The following SUMF1 variants were observed in gnomAD, a reference collection of about 807,000 sequenced individuals.
SUMF1 encodes the protein formylglycine-generating enzyme.
Under a neutral mutation model 47.6 loss-of-function variants are expected in SUMF1, and 48 were observed. The ratio of observed to expected loss-of-function variants is 1.01; its 90% CI spans 0.80 to 1.28. SUMF1 has a LOEUF of 1.28. Among genes scored for constraint, SUMF1 ranks in the 50% most tolerant of loss-of-function variants. SUMF1 has a pLI of 0.00. For synonymous variants in SUMF1, 230 were observed against 192.1 expected, an observed-to-expected ratio of 1.20 and a Z score of -1.63; for missense variants, 571 against 485.4, an observed-to-expected ratio of 1.18 and a Z score of -1.66.
chr3:4,114,584 A>T (rs17039937), intron 8 of SUMF1, among the ~76,000 whole-genome samples: 4,686 of 151,452 alleles, frequency 0.031, 271 homozygotes, highest in African/African-American at 0.11. Flanking sequence ...AGTGGCCAAC[A>T]TAAAAATTAA....
chr3:4,169,237 A>G (rs1318693433), intron 8 of SUMF1, among the ~76,000 whole-genome samples: 1 of 152,068 alleles, frequency 6.6e-6, no homozygotes, highest in Non-Finnish European at 1.5e-5. Flanking sequence ...TATAGGTTGA[A>G]TTGTGTTCCT....
intron 8 of SUMF1, chr3:4,313,852 A>T: frequency 1.3e-6 from 2 of 1,571,498 alleles, no homozygotes; most frequent in African/African-American, 2.7e-5. Flanking sequence ...ACATAAGTTT[A>T]ACTCAGGAAT....
At chr3:4,242,810 C>A (rs1394105570) in intron 8 of SUMF1, among the ~76,000 whole-genome samples, 1 of 152,140 alleles carries the variant, frequency 6.6e-6, no homozygotes, top group African/African-American at 2.4e-5. Context: ...GGAGGATTCC[C>A]TCCTTTTCTA....
At chr3:4,252,511 C>A (rs1184547443) in intron 8 of SUMF1, among the ~76,000 whole-genome samples, 3 of 151,992 alleles carry the variant, frequency 2.0e-5, no homozygotes, top group African/African-American at 7.3e-5. Context: ...AAAATCAAAC[C>A]CTGAGTGGCA....
At chr3:4,066,820 C>G (rs1313762264) in intron 9 of SUMF1, among the ~76,000 whole-genome samples, 2 of 152,194 alleles carry the variant, frequency 1.3e-5, no homozygotes, top group African/African-American at 4.8e-5. Context: ...GACCGAACAC[C>G]TGGCATTTCC....
intron 8 of SUMF1, among the ~76,000 whole-genome samples, chr3:4,332,098 C>T (rs1699063251): frequency 6.6e-6 from 1 of 150,986 alleles, no homozygotes; most frequent in Non-Finnish European, 1.5e-5. Context: ...TGTGATAACA[C>T]ATTTGATTTA....
chr3:4,263,490 C>A (rs1697126956), intron 8 of SUMF1, among the ~76,000 whole-genome samples: 1 of 152,132 alleles, frequency 6.6e-6, no homozygotes, highest in Non-Finnish European at 1.5e-5. Flanking sequence ...CTTGATCCAG[C>A]CCCAATCTGT....
At chr3:4,307,933 CACCTACTTGGG>C (rs1698254668) in intron 8 of SUMF1, among the ~76,000 whole-genome samples, 1 of 152,014 alleles carries the variant, frequency 6.6e-6, no homozygotes, top group Non-Finnish European at 1.5e-5. Context: ...CCTGTAGTCC[CACCTACTTGGG>C]AGGCTGACCT....
downstream of SUMF1, among the ~76,000 whole-genome samples, chr3:4,359,488 GC>G (rs1306013298): frequency 6.6e-6 from 1 of 152,114 alleles, no homozygotes; most frequent in African/African-American, 2.4e-5. Flanking sequence ...TCGCTTTGTT[GC>G]TGTTATAACT....
intron 8 of SUMF1, among the ~76,000 whole-genome samples, chr3:4,147,750 C>G (rs1365674875): frequency 6.6e-6 from 1 of 152,108 alleles, no homozygotes; most frequent in Non-Finnish European, 1.5e-5. Context: ...AAAGAACTAC[C>G]TACCACCACC....
At chr3:4,167,145 C>T (rs1456960576) in intron 8 of SUMF1, among the ~76,000 whole-genome samples, 1 of 152,068 alleles carries the variant, frequency 6.6e-6, no homozygotes, top group Non-Finnish European at 1.5e-5. Context: ...AAGCCACGGG[C>T]CTCTGTGGTG....
chr3:4,442,651 A>AAAG (rs1416742068), intron 3 of SUMF1, among the ~76,000 whole-genome samples: 6 of 34,014 alleles, frequency 1.8e-4, no homozygotes, highest in Admixed American at 4.9e-4. Flanking sequence ...AAAAAAAAAA[A>AAAG]AGAGAGAGAA....
chr3:4,048,849 A>G (rs1695054005), intron 9 of SUMF1, among the ~76,000 whole-genome samples: 1 of 152,120 alleles, frequency 6.6e-6, no homozygotes, highest in Non-Finnish European at 1.5e-5. Context: ...AACCTAATTT[A>G]TTTCTGGATC....
intron 8 of SUMF1, among the ~76,000 whole-genome samples, chr3:4,286,578 A>C (rs1015340334): frequency 6.6e-6 from 1 of 152,176 alleles, no homozygotes; most frequent in Admixed American, 6.5e-5. Flanking sequence ...CATTTTCATC[A>C]CACCAGCAGT....
chr3:4,429,445 C>T (rs1463057991), intron 3 of SUMF1, among the ~76,000 whole-genome samples: 1 of 152,166 alleles, frequency 6.6e-6, no homozygotes, highest in Non-Finnish European at 1.5e-5. Context: ...TCACGCCTTA[C>T]AAGCTCTCAA....
chr3:4,082,039 T>G (rs1228652903), intron 8 of SUMF1, among the ~76,000 whole-genome samples: 1 of 152,126 alleles, frequency 6.6e-6, no homozygotes, highest in African/African-American at 2.4e-5. Context: ...TTCAAACAAG[T>G]AGTTTGGAAT....
chr3:4,156,884 T>G (rs1470466013), intron 8 of SUMF1, among the ~76,000 whole-genome samples: 2 of 151,682 alleles, frequency 1.3e-5, no homozygotes, highest in Non-Finnish European at 2.9e-5. Flanking sequence ...AAGTGCAAAC[T>G]TGAATGAGTA....
chr3:4,405,128 G>T (rs181703895), intron 7 of SUMF1, among the ~76,000 whole-genome samples: 21 of 152,282 alleles, frequency 1.4e-4, no homozygotes, highest in African/African-American at 5.1e-4. Context: ...GAGTTTAGAG[G>T]ATCTAAAAAA....
At chr3:4,211,493 A>G (rs1161972386) in intron 8 of SUMF1, among the ~76,000 whole-genome samples, 1 of 151,926 alleles carries the variant, frequency 6.6e-6, no homozygotes, top group Non-Finnish European at 1.5e-5. Context: ...GTAAACATGA[A>G]AGAGAAAATA....
Sources: gnomAD v4.1 joint callset for allele counts (sites outside exome capture counted in the v4.1 genomes callset) on GRCh38, gnomAD v4.1.1 for gene constraint, MANE v1.5 for transcripts, NCBI Gene and HGNC (gene_info 2026-07-23, HGNC 2026-07-21) for gene names.